TNIP3: variants seen among roughly 807,000 people sequenced by gnomAD.
The protein encoded by TNIP3 is TNFAIP3-interacting protein 3.
Under a neutral mutation model 54.1 loss-of-function variants are expected in TNIP3, and 34 were observed. The ratio of observed to expected loss-of-function variants is 0.63; its 90% CI spans 0.48 to 0.84. The LOEUF (loss-of-function observed/expected upper bound fraction) is 0.84. Among genes scored for constraint, TNIP3 ranks in the 40% least tolerant of loss-of-function variants. The probability of loss-of-function intolerance (pLI) is 0.00; values close to 1 mark genes in which losing one functional copy is unlikely to be tolerated. For missense variants in TNIP3, 366 were observed against 387.6 expected, an observed-to-expected ratio of 0.94 and a Z score of 0.47; for synonymous variants, 134 against 136.8, an observed-to-expected ratio of 0.98 and a Z score of 0.14.
At chr4:121,208,874 G>T (rs1726324486) in intron 2 of TNIP3, among the ~76,000 whole-genome samples, 1 of 152,168 alleles carries the variant, frequency 6.6e-6, no homozygotes, top group South Asian at 2.1e-4. Context: ...TGGAATCCAT[G>T]GAGAGCTTCA....
chr4:121,214,911 G>A (rs185865739), intron 2 of TNIP3, among the ~76,000 whole-genome samples: 12 of 152,244 alleles, frequency 7.9e-5, no homozygotes, highest in African/African-American at 2.9e-4. Context: ...TTCCGTTGAG[G>A]TAGGTAAAAT....
intron 1 of TNIP3, among the ~76,000 whole-genome samples, chr4:121,224,708 T>C (rs1727186010): frequency 1.3e-5 from 2 of 152,208 alleles, no homozygotes; most frequent in African/African-American, 4.8e-5. Context: ...CTTTTCATTA[T>C]AAATAAAATT....
rs188979326 is a variant in TNIP3 at position 121,212,030 on chromosome 4, G to A, written c.68+4385C>T. ...CAGAAAAATGCTAAGTTGATTCTTGGGAAAATTCTAATTTGGTATTCTTTT... is the reference window on the plus strand; with the variant it reads ...CAGAAAAATGCTAAGTTGATTCTTGAGAAAATTCTAATTTGGTATTCTTTT... On this transcript the variant is annotated intron_variant, in intron 2 of 12. Coordinates refer to the TNIP3 transcript ENST00000507879. Among the ~76,000 whole-genome samples the A allele has an allele frequency of 9.9e-5, 15 of 152,236 alleles. No homozygotes were observed. In the East Asian group the frequency reaches 2.3e-3, roughly 23 times the overall value.
At chr4:121,224,821 G>C (rs193190259) in intron 1 of TNIP3, among the ~76,000 whole-genome samples, 2 of 151,932 alleles carry the variant, frequency 1.3e-5, no homozygotes, top group East Asian at 3.9e-4. Context: ...TATCTTCCTA[G>C]AAGATTTTTG....
chr4:121,134,173 G>A (rs1461217292), intron 10 of TNIP3, among the ~76,000 whole-genome samples: 1 of 152,108 alleles, frequency 6.6e-6, no homozygotes, highest in African/African-American at 2.4e-5. Context: ...TCACAACACA[G>A]TTTCACATCC....
chr4:121,141,506 A>T (rs1729115773), intron 9 of TNIP3, among the ~76,000 whole-genome samples: 1 of 152,232 alleles, frequency 6.6e-6, no homozygotes, highest in Non-Finnish European at 1.5e-5. Flanking sequence ...TTTATACATA[A>T]ATACACTTTA....
intron 10 of TNIP3, chr4:121,136,744 A>G (rs1199398174): frequency 6.6e-6 from 1 of 150,484 alleles, no homozygotes; most frequent in Non-Finnish European, 1.5e-5. Flanking sequence ...CTGTAGCCCT[A>G]TTCATGAGGC....
chr4:121,194,445 G>A (rs1468100434), intron 2 of TNIP3, among the ~76,000 whole-genome samples: 1 of 152,122 alleles, frequency 6.6e-6, no homozygotes, highest in Non-Finnish European at 1.5e-5. Context: ...ATTTCATTAT[G>A]TAGCAGGAAC....
At chr4:121,171,961 G>A (rs1483852228) in intron 3 of TNIP3, among the ~76,000 whole-genome samples, 1 of 152,116 alleles carries the variant, frequency 6.6e-6, no homozygotes, top group Non-Finnish European at 1.5e-5. Flanking sequence ...TTGAACTTCT[G>A]ACCTCAAATG....
upstream of TNIP3, among the ~76,000 whole-genome samples, chr4:121,165,516 A>G (rs1730712020): frequency 6.6e-6 from 1 of 152,032 alleles, no homozygotes; most frequent in African/African-American, 2.4e-5. Context: ...ACATATTTCC[A>G]TGTTCTTGTG....
At chr4:121,177,790 G>A (rs187853443) in intron 3 of TNIP3, among the ~76,000 whole-genome samples, 3 of 150,884 alleles carry the variant, frequency 2.0e-5, no homozygotes, top group Admixed American at 1.3e-4. Flanking sequence ...TTTAAATATA[G>A]GGTTTCTTTC....
At chr4:121,150,402 C>T (rs1165203948) in intron 5 of TNIP3, among the ~76,000 whole-genome samples, 183 bp from the exon 6 acceptor site, 2 of 151,198 alleles carry the variant, frequency 1.3e-5, no homozygotes, top group Admixed American at 6.6e-5. Flanking sequence ...TTTTCAGAAT[C>T]TCTGTCTTTT....
At chr4:121,161,304 G>A in intron 1 of TNIP3, 88 bp from the exon 2 acceptor site, 1 of 1,141,282 alleles carries the variant, frequency 8.8e-7, no homozygotes. Flanking sequence ...CATGCATTTG[G>A]CCAACTCTCC....
Position 121,147,140 on chromosome 4 carries a change from C to G in TNIP3, c.644G>C (p.Arg215Pro). ...QIYEEDFKKERSDRERLNQEK... is the reference protein window; with the variant it reads ...QIYEEDFKKEPSDRERLNQEK... ...TTGATTAAGTCTCTCTCGATCCGATCGTTCCTTTTTGAAGTCTTCTTCGTA... is the reference window on the plus strand; with the variant it reads ...TTGATTAAGTCTCTCTCGATCCGATGGTTCCTTTTTGAAGTCTTCTTCGTA... The change falls in exon 7 of 11, where the codon CGA (arginine) becomes CCA (proline). Residue 215 changes from arginine to proline, a missense_variant. Transcript: ENST00000057513. 1 of 1,612,460 alleles carries G rather than the reference C, an allele frequency of 6.2e-7. No homozygotes were observed. Among genetic ancestry groups the G allele is most frequent in the Non-Finnish European group, 8.5e-7 (1 of 1,179,330 alleles).
intron 1 of TNIP3, among the ~76,000 whole-genome samples, chr4:121,162,875 CTGTT>C (rs1289753464): frequency 6.6e-6 from 1 of 152,166 alleles, no homozygotes; most frequent in African/African-American, 2.4e-5. Flanking sequence ...TGTCTCCTCT[CTGTT>C]TGTGATGTAG....
chr4:121,206,856 C>A (rs1726219888), intron 2 of TNIP3, among the ~76,000 whole-genome samples: 1 of 152,144 alleles, frequency 6.6e-6, no homozygotes, highest in Non-Finnish European at 1.5e-5. Flanking sequence ...AGGTGTGAGC[C>A]ACTGAGCCCA....
intron 7 of TNIP3, among the ~76,000 whole-genome samples, chr4:121,145,010 C>T (rs114095206): frequency 1.2e-3 from 183 of 152,318 alleles, no homozygotes; most frequent in African/African-American, 4.2e-3. Flanking sequence ...CCCTAAGCAT[C>T]TTTCACTTTA....
chr4:121,178,600 A>C (rs1275779007), intron 3 of TNIP3, among the ~76,000 whole-genome samples: 1 of 152,230 alleles, frequency 6.6e-6, no homozygotes, highest in Non-Finnish European at 1.5e-5. Context: ...AACTTTCAGC[A>C]GTCAATAACT....
At chr4:121,193,241 G>T (rs1725394843) in intron 2 of TNIP3, among the ~76,000 whole-genome samples, 1 of 152,102 alleles carries the variant, frequency 6.6e-6, no homozygotes, top group Non-Finnish European at 1.5e-5. Context: ...ATAAAAAATT[G>T]CAATAATTCA....
Sources: allele counts gnomAD v4.1 joint callset (sites outside exome capture counted in the v4.1 genomes callset), GRCh38; gene constraint gnomAD v4.1.1; transcripts MANE v1.5; gene names NCBI Gene and HGNC (gene_info 2026-07-23, HGNC 2026-07-21).